The following CEP85L variants were observed in gnomAD, a reference collection of about 807,000 sequenced individuals.
The protein encoded by CEP85L is centrosomal protein of 85 kDa-like.
Under a neutral mutation model 100.3 loss-of-function variants are expected in CEP85L, and 60 were observed. The ratio of observed to expected loss-of-function variants is 0.60; its 90% CI spans 0.49 to 0.74. The LOEUF is 0.74. Ranked by LOEUF, CEP85L falls within the 30% of genes least tolerant of loss-of-function variation. The pLI, the probability that CEP85L is intolerant of heterozygous loss-of-function variation, is 0.00. For missense variants in CEP85L, 973 were observed against 936.2 expected (o/e 1.04, Z -0.51); for synonymous variants, 319 against 322.7 (o/e 0.99, Z 0.12).
intron 6 of CEP85L, 54 bp from the exon 7 acceptor site, chr6:118,483,912 A>G (rs2114549424): frequency 6.6e-7 from 1 of 1,510,290 alleles, no homozygotes; most frequent in South Asian, 1.2e-5. Flanking sequence ...AAAAGATATA[A>G]CAAAACCAAC....
intron 6 of CEP85L, among the ~76,000 whole-genome samples, chr6:118,488,401 A>T (rs561682528): frequency 6.6e-5 from 10 of 152,136 alleles, no homozygotes; most frequent in African/African-American, 2.4e-4. Context: ...ATAAAAATTC[A>T]CTAGAGAGGG....
intron 1 of CEP85L, among the ~76,000 whole-genome samples, chr6:118,638,666 C>T (rs1267727109): frequency 3.3e-5 from 5 of 150,722 alleles, no homozygotes; most frequent in African/African-American, 1.2e-4. Context: ...CAGCAAAGAT[C>T]CCAAGAAACT....
At position 118,540,103 on chromosome 6, in the gene CEP85L, T is replaced by C. The variant is rs543996145; in HGVS notation, c.1021-16183A>G. ...AGTCCAGTTCATCACTGGCCTATAGTACACAATTAACAAAAAGAGGATGAG... is the reference window on the plus strand; with the variant it reads ...AGTCCAGTTCATCACTGGCCTATAGCACACAATTAACAAAAAGAGGATGAG... On this transcript the variant is annotated intron_variant, in intron 3 of 12. Transcript: ENST00000368491. Among the ~76,000 whole-genome samples, 5 of 151,664 alleles carry C rather than the reference T, an allele frequency of 3.3e-5. No individual in the cohort carries two copies. The East Asian group carries it at 9.7e-4, about 29-fold the overall frequency.
intron 1 of CEP85L, among the ~76,000 whole-genome samples, chr6:118,695,901 G>A (rs1450592751): frequency 6.6e-6 from 1 of 152,144 alleles, no homozygotes; most frequent in Non-Finnish European, 1.5e-5. Flanking sequence ...AACTGACTTG[G>A]GTGAACCAGA....
At chr6:118,514,161 A>G (rs1776129755) in intron 4 of CEP85L, among the ~76,000 whole-genome samples, 1 of 152,206 alleles carries the variant, frequency 6.6e-6, no homozygotes. Flanking sequence ...GATAACAGGA[A>G]TTGTAAAAAA....
chr6:118,566,686 T>C (rs1036365272), intron 2 of CEP85L, among the ~76,000 whole-genome samples: 14 of 152,192 alleles, frequency 9.2e-5, no homozygotes, highest in African/African-American at 3.1e-4. Flanking sequence ...CCCAAAGTGC[T>C]GGGATTACAG....
chr6:118,522,830 G>T (rs1438884937), intron 4 of CEP85L, among the ~76,000 whole-genome samples: 2 of 150,720 alleles, frequency 1.3e-5, no homozygotes, highest in Admixed American at 1.3e-4. Flanking sequence ...AGTGAGCTGA[G>T]ATGGCACCAC....
At chr6:118,633,165 C>G (rs1487375531) in intron 1 of CEP85L, among the ~76,000 whole-genome samples, 1 of 150,776 alleles carries the variant, frequency 6.6e-6, no homozygotes, top group Non-Finnish European at 1.5e-5. Flanking sequence ...TATTTAATAA[C>G]AGTTTAATAG....
rs1775564799 is a variant in CEP85L, at chr6:118,651,567, G to A, written c.-298C>T. Reference sequence around the variant, plus strand: ...CTGAGCCCAGGCTCAAAGGCTCCAGGCGAAGTTGCAGCTGCGGGTTCTCTC... The same window carrying A: ...CTGAGCCCAGGCTCAAAGGCTCCAGACGAAGTTGCAGCTGCGGGTTCTCTC... On this transcript the variant is annotated 5_prime_UTR_variant, in exon 1 of 13. Transcript: ENST00000368491. 8.5e-7 allele frequency: 1 copy of A among 1,181,852 alleles called. No individual in the cohort carries two copies. Among genetic ancestry groups the A allele is most frequent in the Non-Finnish European group, 1.0e-6 (1 of 955,026 alleles). 73.2% of individuals were successfully genotyped at this position (1,181,852 alleles called of 1,614,324 possible).
intron 4 of CEP85L, among the ~76,000 whole-genome samples, chr6:118,519,065 T>C (rs1306547691): frequency 6.6e-6 from 1 of 152,152 alleles, no homozygotes; most frequent in Non-Finnish European, 1.5e-5. Flanking sequence ...TAATCCTGAG[T>C]TCTAATTTGA....
At chr6:118,487,595 A>G (rs562334041) in intron 6 of CEP85L, among the ~76,000 whole-genome samples, 6 of 152,340 alleles carry the variant, frequency 3.9e-5, no homozygotes, top group African/African-American at 1.2e-4. Flanking sequence ...CCTACCCCCA[A>G]TACAGCATAT....
intron 3 of CEP85L, among the ~76,000 whole-genome samples, chr6:118,547,650 T>C (rs1278341569): frequency 6.6e-6 from 1 of 152,106 alleles, no homozygotes; most frequent in East Asian, 1.9e-4. Context: ...AGTATTACTA[T>C]TCACAAATAT....
chr6:118,666,475 G>A (rs923335595), intron 1 of CEP85L, among the ~76,000 whole-genome samples: 1 of 152,182 alleles, frequency 6.6e-6, no homozygotes, highest in African/African-American at 2.4e-5. Context: ...GAATACATGA[G>A]AGTCAATACC....
intron 1 of CEP85L, among the ~76,000 whole-genome samples, chr6:118,660,062 T>A (rs1278003498): frequency 6.6e-6 from 1 of 152,090 alleles, no homozygotes; most frequent in Admixed American, 6.5e-5. Context: ...CAGATGAGAG[T>A]GTGTCTCCTT....
At chr6:118,514,299 T>TG (rs923236363) in intron 4 of CEP85L, among the ~76,000 whole-genome samples, 1 of 151,674 alleles carries the variant, frequency 6.6e-6, no homozygotes, top group Non-Finnish European at 1.5e-5. Flanking sequence ...CTGAGGCAGG[T>TG]GGATCACTTG....
chr6:118,568,717 G>T (rs1357411610), intron 2 of CEP85L, among the ~76,000 whole-genome samples: 1 of 152,140 alleles, frequency 6.6e-6, no homozygotes, highest in African/African-American at 2.4e-5. Flanking sequence ...AAAACAACTG[G>T]CAAACACAGT....
At chr6:118,507,243 T>C (rs1461358516) in intron 5 of CEP85L, among the ~76,000 whole-genome samples, 2 of 152,222 alleles carry the variant, frequency 1.3e-5, no homozygotes, top group Non-Finnish European at 2.9e-5. Context: ...GCAATCATTC[T>C]CTCACCACAT....
intron 3 of CEP85L, among the ~76,000 whole-genome samples, chr6:118,535,348 A>T (rs1777528542): frequency 6.6e-6 from 1 of 152,200 alleles, no homozygotes; most frequent in South Asian, 2.1e-4. Context: ...AATAAGAATC[A>T]GATCAGTGGT....
intron 2 of CEP85L, among the ~76,000 whole-genome samples, chr6:118,594,713 G>A (rs577821265): frequency 4.6e-5 from 7 of 151,718 alleles, no homozygotes; most frequent in East Asian, 1.9e-4. Context: ...AAAATTAGCC[G>A]GGTGTGGTGG....
Sources: allele counts gnomAD v4.1 joint callset (sites outside exome capture counted in the v4.1 genomes callset), GRCh38; gene constraint gnomAD v4.1.1; transcripts MANE v1.5; gene names NCBI Gene and HGNC (gene_info 2026-07-23, HGNC 2026-07-21).